BCAS2: variants seen among roughly 807,000 people sequenced by gnomAD.
The protein encoded by BCAS2 is BCAS2 pre-mRNA processing factor, also known as pre-mRNA-splicing factor SPF27.
A neutral mutation model predicts 35.3 loss-of-function variants in BCAS2; 34 were observed. The observed-to-expected ratio is 0.96, with a 90% CI of 0.73 to 1.28. The LOEUF (loss-of-function observed/expected upper bound fraction) is 1.28, where lower values mean the gene tolerates loss of function less well. Among genes scored for constraint, BCAS2 ranks in the 50% most tolerant of loss-of-function variants. The pLI, the probability that BCAS2 is intolerant of heterozygous loss-of-function variation, is 0.00. For missense variants in BCAS2, 221 were observed against 268.1 expected (o/e 0.82, Z 1.23); for synonymous variants, 75 against 91.6 (o/e 0.82, Z 1.03).
intron 6 of BCAS2, among the ~76,000 whole-genome samples, chr1:114,568,569 G>A (rs1345082634): frequency 1.3e-5 from 2 of 151,678 alleles, no homozygotes; most frequent in African/African-American, 4.8e-5. Context: ...GTTTCACCAC[G>A]TTGGCCAGGC....
At chr1:114,569,290 CGGT>C (rs1449233406) in intron 6 of BCAS2, among the ~76,000 whole-genome samples, 2 of 150,472 alleles carry the variant, frequency 1.3e-5, no homozygotes, top group Non-Finnish European at 3.0e-5. Flanking sequence ...TACATGGAGA[CGGT>C]GGAACAAGAA....
intron 4 of BCAS2, among the ~76,000 whole-genome samples, chr1:114,572,161 T>C (rs974673385): frequency 5.9e-5 from 9 of 152,226 alleles, no homozygotes; most frequent in Non-Finnish European, 1.2e-4. Flanking sequence ...TGACTCAAAT[T>C]TTCTGTTGCT....
At chr1:114,569,369 A>G (rs1029108032) in intron 6 of BCAS2, among the ~76,000 whole-genome samples, 1 of 152,162 alleles carries the variant, frequency 6.6e-6, no homozygotes, top group Non-Finnish European at 1.5e-5. Context: ...TGACACAAAT[A>G]TTCAAGATTA....
At chr1:114,575,891 A>C in intron 3 of BCAS2, 140 bp from the exon 4 acceptor site, 2 of 854,554 alleles carry the variant, frequency 2.3e-6, no homozygotes, top group Non-Finnish European at 3.4e-6. Context: ...AATAATAAGA[A>C]ACCGATATAT....
At chr1:114,578,170 C>CA (rs1313839847) in intron 2 of BCAS2, among the ~76,000 whole-genome samples, 3 of 151,946 alleles carry the variant, frequency 2.0e-5, no homozygotes, top group African/African-American at 7.3e-5. Flanking sequence ...AGCCTGGCAA[C>CA]AGAGTGAGAC....
chr1:114,575,279 C>T (rs1271668883), intron 4 of BCAS2, among the ~76,000 whole-genome samples: 6 of 151,254 alleles, frequency 4.0e-5, no homozygotes, highest in African/African-American at 1.5e-4. Flanking sequence ...CCTCTGCCTC[C>T]CAGGCTGAAG....
intron 4 of BCAS2, among the ~76,000 whole-genome samples, chr1:114,575,290 C>A (rs1468733648): frequency 6.7e-6 from 1 of 148,174 alleles, no homozygotes; most frequent in Non-Finnish European, 1.5e-5. Flanking sequence ...CAGGCTGAAG[C>A]AATTGTCATG....
chr1:114,577,442 G>C (rs964349327), intron 2 of BCAS2, among the ~76,000 whole-genome samples: 1 of 151,564 alleles, frequency 6.6e-6, no homozygotes, highest in African/African-American at 2.4e-5. Flanking sequence ...GCGCGATCTT[G>C]GCTCATCTCT....
chr1:114,579,774 G>C (rs1021137456), intron 2 of BCAS2, among the ~76,000 whole-genome samples: 8 of 152,068 alleles, frequency 5.3e-5, no homozygotes, highest in African/African-American at 1.9e-4. Context: ...GCTGAGGCAG[G>C]AGAATCACTT....
At position 114,568,396 on chromosome 1, in the gene BCAS2, C is replaced by T. The variant is rs1271024046; in HGVS notation, c.552-140G>A. The T allele has an allele frequency of 2.8e-5, 27 of 962,178 alleles. No homozygotes were observed. The African/African-American group carries it at 2.9e-4, about 10-fold the overall frequency. The allele number at this position is 962,178 out of a possible 1,614,324, so 59.6% of individuals were successfully genotyped here. The stretch of plus-strand genomic sequence containing the variant: ...TTTTTTTTTTTTTGAGACGGAGTCT[C>T]GCTCTTGTTGCCCAGGCTGGAGAAC... On this transcript the variant is annotated intron_variant, in intron 6 of 6. Transcript: ENST00000369541.
At chr1:114,569,740 A>G (rs1187787766) in intron 6 of BCAS2, among the ~76,000 whole-genome samples, 1 of 152,088 alleles carries the variant, frequency 6.6e-6, no homozygotes, top group Non-Finnish European at 1.5e-5. Context: ...GACTAAAAAC[A>G]GGGTATTCTA....
chr1:114,570,220 A>G, intron 5 of BCAS2, 148 bp from the exon 6 acceptor site: 1 of 615,500 alleles, frequency 1.6e-6, no homozygotes, highest in Non-Finnish European at 2.8e-6. Flanking sequence ...CCTTTCTTCT[A>G]ATTATTTTTT....
chr1:114,576,097 T>G (rs1345924366), intron 3 of BCAS2, among the ~76,000 whole-genome samples: 3 of 152,032 alleles, frequency 2.0e-5, no homozygotes, highest in Non-Finnish European at 4.4e-5. Flanking sequence ...TTTGCTACCA[T>G]TTTTGTAAAA....
intron 5 of BCAS2, 72 bp from the exon 6 acceptor site, chr1:114,570,144 A>G: frequency 9.8e-7 from 1 of 1,017,456 alleles, no homozygotes; most frequent in Non-Finnish European, 1.5e-6. Flanking sequence ...ACTCTATAAC[A>G]CAAGAGAATA....
At chr1:114,569,507 C>CA (rs1654597695) in intron 6 of BCAS2, among the ~76,000 whole-genome samples, 2 of 142,852 alleles carry the variant, frequency 1.4e-5, no homozygotes, top group East Asian at 2.0e-4. Context: ...AATTTTTTTC[C>CA]TTTTTTTTTT....
At chr1:114,572,071 A>G (rs543403692) in intron 4 of BCAS2, among the ~76,000 whole-genome samples, 1 of 152,332 alleles carries the variant, frequency 6.6e-6, no homozygotes, top group South Asian at 2.1e-4. Context: ...CAGTGGATCA[A>G]TCACCTACAG....
At chr1:114,571,942 TAC>T (rs1271307034) in intron 4 of BCAS2, among the ~76,000 whole-genome samples, 1 of 152,248 alleles carries the variant, frequency 6.6e-6, no homozygotes, top group Non-Finnish European at 1.5e-5. Flanking sequence ...AGTTCAATAA[TAC>T]AGAGTACCAT....
chr1:114,577,373 A>ATTTT (rs151333752), intron 2 of BCAS2, among the ~76,000 whole-genome samples: 95 of 150,790 alleles, frequency 6.3e-4, no homozygotes, highest in Non-Finnish European at 1.2e-3. Context: ...TTATTTATTT[A>ATTTT]TTTATTTTTT....
At chr1:114,571,109 G>A (rs566236275) in intron 4 of BCAS2, among the ~76,000 whole-genome samples, 15 of 151,894 alleles carry the variant, frequency 9.9e-5, no homozygotes, top group East Asian at 1.9e-4. Context: ...AGGCTGGAGC[G>A]AAGTGGTGAG....
Sources: gnomAD v4.1 joint callset for allele counts (sites outside exome capture counted in the v4.1 genomes callset) on GRCh38, gnomAD v4.1.1 for gene constraint, MANE v1.5 for transcripts, NCBI Gene and HGNC (gene_info 2026-07-23, HGNC 2026-07-21) for gene names.